Variants in CCDC61 observed in about 807,000 individuals in gnomAD.
CCDC61 encodes centrosomal protein CCDC61.
Under a neutral mutation model 63.0 loss-of-function variants are expected in CCDC61, and 55 were observed. The observed-to-expected ratio is 0.87, with a 90% CI of 0.70 to 1.09. The LOEUF is 1.09. Ranked by LOEUF, CCDC61 falls within the 50% of genes least tolerant of loss-of-function variation. The probability of loss-of-function intolerance (pLI) is 0.00; values close to 1 mark genes in which losing one functional copy is unlikely to be tolerated. For missense variants in CCDC61, 651 were observed against 731.4 expected (o/e 0.89, Z 1.27); for synonymous variants, 270 against 317.0 (o/e 0.85, Z 1.58).
At chr19:45,996,553 C>T (rs1968496453) in intron 1 of CCDC61, among the ~76,000 whole-genome samples, 1 of 152,040 alleles carries the variant, frequency 6.6e-6, no homozygotes, top group Non-Finnish European at 1.5e-5. Context: ...CGCCCGCCAC[C>T]ACACCCAGCT....
In CCDC61 at chr19:46,016,019, G is replaced by C; in HGVS notation, c.846-35G>C. On this transcript the variant is annotated intron_variant, in intron 7 of 13. Transcript: ENST00000595358. This position sits in a 1 kb window ranked among gnomAD's most constrained non-coding sequence, Gnocchi z 7.2. ...GTCTCGCGATTGAGTTTGTCGGGGC[G>C]GGCGGGAAGCTGACAGCTGCCTCTG... The C allele has an allele frequency of 2.4e-6, 3 of 1,234,448 alleles. No individual in the cohort carries two copies. Among genetic ancestry groups the C allele is most frequent in the Non-Finnish European group, 3.0e-6 (3 of 990,420 alleles). The allele number at this position is 1,234,448 out of a possible 1,614,324, so 76.5% of individuals were successfully genotyped here. A position where few individuals can be genotyped will look rare whatever the true frequency, so the allele number is the denominator to read the frequency against.
intron 3 of CCDC61, among the ~76,000 whole-genome samples, chr19:46,004,302 A>G (rs562864297): frequency 1.1e-4 from 16 of 152,190 alleles, no homozygotes; most frequent in Non-Finnish European, 1.8e-4. Context: ...CAGTGAATAT[A>G]GCCATTCATT....
chr19:46,009,812 GTGTA>G (rs1005373253), intron 5 of CCDC61, among the ~76,000 whole-genome samples: 2 of 81,128 alleles, frequency 2.5e-5, no homozygotes, highest in African/African-American at 1.1e-4. Flanking sequence ...CTGTGTGTGT[GTGTA>G]TGTGTGTGTG....
rs150096921 is a variant in CCDC61 at position 46,008,334 on chromosome 19, G to A, written c.551+33G>A. The A allele has an allele frequency of 5.6e-6, 5 of 898,760 alleles. No homozygotes were observed. The East Asian group carries it at 1.2e-4, about 22-fold the overall frequency. The allele number at this position is 898,760 out of a possible 1,614,324, so 55.7% of individuals were successfully genotyped here. On this transcript the variant is annotated intron_variant, in intron 5 of 13. Transcript: ENST00000595358. ...TTGGAGGGGTGGGCAGCTGGGGCGG[G>A]TGGGGGCCCTCCCATCATGCACCGC...
chr19:46,001,013 C>G (rs1335207519), intron 1 of CCDC61, among the ~76,000 whole-genome samples: 2 of 151,494 alleles, frequency 1.3e-5, no homozygotes, highest in Admixed American at 6.6e-5. Context: ...CTGTGCGGCT[C>G]CTCAGGTGTT....
At chr19:46,006,835 GA>G in intron 4 of CCDC61, 119 bp downstream of exon 4, 1 of 926,860 alleles carries the variant, frequency 1.1e-6, no homozygotes. Context: ...CTTGCCTTGG[GA>G]ATCTTCCCTG....
intron 1 of CCDC61, among the ~76,000 whole-genome samples, chr19:45,996,755 A>G (rs1342420563): frequency 1.3e-5 from 2 of 152,154 alleles, no homozygotes; most frequent in African/African-American, 4.8e-5. Context: ...GGTCTAGCAG[A>G]TCGCATTAGC....
intron 1 of CCDC61, among the ~76,000 whole-genome samples, chr19:46,001,943 T>C (rs1381497670): frequency 6.6e-6 from 1 of 152,172 alleles, no homozygotes; most frequent in Non-Finnish European, 1.5e-5. Context: ...TTTCTGATAT[T>C]AGATTTTATT....
chr19:45,995,782 G>A (rs1968481251), intron 1 of CCDC61, among the ~76,000 whole-genome samples: 1 of 152,104 alleles, frequency 6.6e-6, no homozygotes, highest in Admixed American at 6.6e-5. Context: ...ATATAGAGAC[G>A]TCCTTGGAAT....
chr19:46,002,919 T>C (rs189092941), intron 1 of CCDC61, 89 bp from the exon 2 acceptor site: 17 of 1,316,370 alleles, frequency 1.3e-5, no homozygotes, highest in Admixed American at 1.1e-4. Context: ...AGCTGGTAAA[T>C]GATGGAGCCA....
At chr19:46,003,313 C>A in intron 2 of CCDC61, 106 bp from the exon 3 acceptor site, 1 of 1,428,214 alleles carries the variant, frequency 7.0e-7, no homozygotes, top group Non-Finnish European at 9.6e-7. Flanking sequence ...GGTCTTGTTG[C>A]TCAAGCCAGA....
rs998705949 is a variant in CCDC61, at chr19:46,003,180, C to T, written c.148+14C>T. 1 of 1,596,998 alleles carries T rather than the reference C, an allele frequency of 6.3e-7. No individual in the cohort carries two copies. The highest frequency in any genetic ancestry group is 1.7e-5 in the Admixed American group (1 of 58,762). ...TCGATGCTGGCTGTGAGTGTGCCTGCCTGGGGTGGGCTCACCTTTCCTCTC... is the reference window on the plus strand; with the variant it reads ...TCGATGCTGGCTGTGAGTGTGCCTGTCTGGGGTGGGCTCACCTTTCCTCTC... On this transcript the variant is annotated intron_variant, in intron 2 of 13. Transcript: ENST00000595358.
intron 4 of CCDC61, 36 bp from the exon 5 acceptor site, chr19:46,008,104 C>T (rs1275018283): frequency 2.6e-6 from 4 of 1,564,786 alleles, no homozygotes; most frequent in African/African-American, 2.7e-5. Context: ...CATTCTTGGC[C>T]TCTGAGATGC....
At position 46,006,560 on chromosome 19, in the gene CCDC61, G is replaced by A; in HGVS notation, c.233G>A (p.Ser78Asn). Residue 78 changes from serine (S) to asparagine (N), a missense_variant and splice_region_variant, in exon 4 of 14, where the codon AGT (serine) becomes AAT (asparagine). Physicochemically the swap from Ser to Asn is conservative, Grantham distance 46. Coordinates refer to ENST00000595358, the MANE Select transcript of CCDC61 (RefSeq NM_001267723.2). Reference protein sequence around the residue: ...CHMLESALTQSSESVTLDLLT... With the variant: ...CHMLESALTQNSESVTLDLLT... ...GCTCCTCCTCTCCTCTCCTGACAGA[G>A]TAGTGAGTCAGTCACCCTGGACCTG... 1 of 1,563,002 alleles carries A rather than the reference G, an allele frequency of 6.4e-7. No individual in the cohort carries two copies. The highest frequency in any genetic ancestry group is 2.3e-5 in the East Asian group (1 of 43,390).
chr19:46,017,274 C>T lies in CCDC61; in HGVS notation c.1338C>T (p.Pro446=), dbSNP rs1293505623. 10 of 1,566,802 alleles carry T rather than the reference C, an allele frequency of 6.4e-6. No individual in the cohort carries two copies. The Admixed American group carries it at 1.1e-4, about 18-fold the overall frequency. The change falls in exon 12 of 14, where the codon CCC becomes CCT. Residue 446 remains proline (P), a synonymous_variant. Coordinates refer to ENST00000595358, the MANE Select transcript of CCDC61 (RefSeq NM_001267723.2). ...RGGHRRRGKP[P]SPTPWSGSNM... ...GTCACCGCCGCCGTGGGAAGCCTCCCAGCCCAACGCCCTGGAGTGGGTCCA... is the reference window on the plus strand; with the variant it reads ...GTCACCGCCGCCGTGGGAAGCCTCCTAGCCCAACGCCCTGGAGTGGGTCCA...
intron 3 of CCDC61, among the ~76,000 whole-genome samples, chr19:46,004,540 C>G (rs1291078887): frequency 6.6e-6 from 1 of 152,194 alleles, no homozygotes; most frequent in Non-Finnish European, 1.5e-5. Flanking sequence ...TCTCAACTCA[C>G]TGCAATCTCT....
intron 5 of CCDC61, among the ~76,000 whole-genome samples, chr19:46,013,266 T>C (rs1968863197): frequency 6.6e-6 from 1 of 152,086 alleles, no homozygotes; most frequent in African/African-American, 2.4e-5. Context: ...TCAGGTGATC[T>C]GCCTGCCTTG....
chr19:46,009,532 C>G (rs1600648863), intron 5 of CCDC61, among the ~76,000 whole-genome samples: 3 of 152,140 alleles, frequency 2.0e-5, no homozygotes, highest in Admixed American at 2.0e-4. Context: ...GGGAACTTGG[C>G]GCAGGTCACA....
At chr19:46,011,095 G>T (rs1968820605) in intron 5 of CCDC61, among the ~76,000 whole-genome samples, 1 of 151,416 alleles carries the variant, frequency 6.6e-6, no homozygotes, top group Non-Finnish European at 1.5e-5. Flanking sequence ...TGTTGCCCAG[G>T]CTGGAGTGTG....
Sources: gnomAD v4.1 joint callset for allele counts (sites outside exome capture counted in the v4.1 genomes callset) on GRCh38, gnomAD v4.1.1 for gene constraint, Gnocchi (gnomAD v3.1) non-coding constraint, MANE v1.5 for transcripts, NCBI Gene and HGNC (gene_info 2026-07-23, HGNC 2026-07-21) for gene names.